EIF4E3: variants seen among roughly 807,000 people sequenced by gnomAD.
EIF4E3 encodes the protein eukaryotic translation initiation factor 4E type 3.
EIF4E3 carries 26 observed loss-of-function variants against 31.7 expected under a neutral mutation model. The observed-to-expected ratio is 0.82, with a 90% CI of 0.60 to 1.14. The LOEUF (loss-of-function observed/expected upper bound fraction) is 1.14. EIF4E3 is among the 50% of genes most tolerant of loss of function. The pLI is 0.00. For missense variants in EIF4E3, 304 were observed against 270.9 expected, an observed-to-expected ratio of 1.12 and a Z score of -0.86; for synonymous variants, 128 against 107.7, an observed-to-expected ratio of 1.19 and a Z score of -1.17.
At chr3:71,705,888 G>T (rs1055013232) in intron 2 of EIF4E3, among the ~76,000 whole-genome samples, 2 of 152,096 alleles carry the variant, frequency 1.3e-5, no homozygotes, top group African/African-American at 2.4e-5. Flanking sequence ...TCAGCTTCCT[G>T]AGTAGCTGAG....
At position 71,677,493 on chromosome 3, in the gene EIF4E3, G is replaced by A. The variant is rs550190349; in HGVS notation, c.*7189C>T. On this transcript the variant is annotated 3_prime_UTR_variant, in exon 7 of 7. Transcript: ENST00000425534. Reference sequence around the variant, plus strand: ...GAACCTATGCTAATAGAACAACCGAGAACACATTCCAAAAAGTGCATCAAT... The same window carrying A: ...GAACCTATGCTAATAGAACAACCGAAAACACATTCCAAAAAGTGCATCAAT... 5.3e-5 allele frequency: 8 copies of A among 152,170 alleles called. No individual in the cohort carries two copies. Among genetic ancestry groups the A allele is most frequent in the African/African-American group, 1.9e-4 (8 of 41,500 alleles). 9.4% of individuals were successfully genotyped at this position (152,170 alleles called of 1,614,324 possible). A position where few individuals can be genotyped will look rare whatever the true frequency, so the allele number is the denominator to read the frequency against.
At chr3:71,696,617 G>A in intron 3 of EIF4E3, 97 bp from the exon 4 acceptor site, 3 of 1,416,552 alleles carry the variant, frequency 2.1e-6, no homozygotes, top group Non-Finnish European at 2.9e-6. Flanking sequence ...TTTAACAACA[G>A]ATGACCTTAA....
chr3:71,748,801 G>T (rs1307582029), intron 1 of EIF4E3, among the ~76,000 whole-genome samples: 1 of 152,148 alleles, frequency 6.6e-6, no homozygotes, highest in African/African-American at 2.4e-5. Context: ...AAGGACCCAT[G>T]ATGAAACCCA....
chr3:71,748,295 A>G (rs2049893605), intron 1 of EIF4E3, among the ~76,000 whole-genome samples: 1 of 152,182 alleles, frequency 6.6e-6, no homozygotes, highest in African/African-American at 2.4e-5. Context: ...TCTCATATAT[A>G]TGGGTTCTGC....
Position 71,701,943 on chromosome 3 carries a change from C to T in EIF4E3, c.250-2235G>A, listed in dbSNP as rs891537960. Among the ~76,000 whole-genome samples the T allele has an allele frequency of 1.1e-4, 16 of 152,144 alleles. No homozygotes were observed. The South Asian group carries it at 1.9e-3, about 18-fold the overall frequency. The stretch of plus-strand genomic sequence containing the variant: ...CATCTGCCTCTATGGAGGTACCTAT[C>T]CTGTAAATGCTTTGCTATTTGTACA... On this transcript the variant is annotated intron_variant, in intron 2 of 6. Coordinates refer to ENST00000425534, the MANE Select transcript of EIF4E3 (RefSeq NM_001134651.2).
intron 2 of EIF4E3, among the ~76,000 whole-genome samples, chr3:71,704,223 T>C (rs2049258806): frequency 6.6e-6 from 1 of 152,092 alleles, no homozygotes; most frequent in Non-Finnish European, 1.5e-5. Context: ...CATAGAAAGT[T>C]AGTAAAAACC....
At chr3:71,705,505 G>C (rs2049279740) in intron 2 of EIF4E3, among the ~76,000 whole-genome samples, 1 of 152,158 alleles carries the variant, frequency 6.6e-6, no homozygotes, top group Non-Finnish European at 1.5e-5. Context: ...AGGAAATATG[G>C]TTTCTGTTTT....
chr3:71,661,515 G>A, the EIF4E3 span, among the ~76,000 whole-genome samples: 8,723 of 152,144 alleles, frequency 0.057, 666 homozygotes, highest in African/African-American at 0.18. Context: ...TTTCCCATGC[G>A]TCAAATAAAG....
chr3:71,677,144 G>A lies in EIF4E3; in HGVS notation c.*7538C>T, dbSNP rs907473021. 3 of 152,160 alleles carry A rather than the reference G, an allele frequency of 2.0e-5. No individual in the cohort carries two copies. Among genetic ancestry groups the A allele is most frequent in the Non-Finnish European group, 4.4e-5 (3 of 68,036 alleles). The allele number at this position is 152,160 out of a possible 1,614,324, so 9.4% of individuals were successfully genotyped here. A position where few individuals can be genotyped will look rare whatever the true frequency, so the allele number is the denominator to read the frequency against. On this transcript the variant is annotated 3_prime_UTR_variant, in exon 7 of 7. Transcript: ENST00000425534. ...TGATTTATGCTTGCTAGTTAAATATGCTTATGATTTAAACTTATTTTCTCT... is the reference window on the plus strand; with the variant it reads ...TGATTTATGCTTGCTAGTTAAATATACTTATGATTTAAACTTATTTTCTCT...
intron 1 of EIF4E3, among the ~76,000 whole-genome samples, chr3:71,749,755 GAAT>G (rs1392843712): frequency 6.6e-6 from 1 of 152,160 alleles, no homozygotes; most frequent in Non-Finnish European, 1.5e-5. Flanking sequence ...GATTATACAA[GAAT>G]AATGGAAATT....
At chr3:71,748,797 C>T (rs2049898461) in intron 1 of EIF4E3, among the ~76,000 whole-genome samples, 1 of 152,106 alleles carries the variant, frequency 6.6e-6, no homozygotes, top group South Asian at 2.1e-4. Context: ...AAGCAAGGAC[C>T]CATGATGAAA....
rs2048916752 is a variant in EIF4E3 at position 71,681,086 on chromosome 3, G to T, written c.*3596C>A. 6.6e-6 allele frequency: 1 copy of T among 152,046 alleles called. No individual in the cohort carries two copies. Among genetic ancestry groups the T allele is most frequent in the African/African-American group, 2.4e-5 (1 of 41,386 alleles). The allele number at this position is 152,046 out of a possible 1,614,324, so 9.4% of individuals were successfully genotyped here. A position where few individuals can be genotyped will look rare whatever the true frequency, so the allele number is the denominator to read the frequency against. On this transcript the variant is annotated 3_prime_UTR_variant, in exon 7 of 7. Transcript: ENST00000425534. ...TCTTTTTCTTCCCAATCACTTATAAGGCCAATGAGAGCCTAGGATTTGAGA... is the reference window on the plus strand; with the variant it reads ...TCTTTTTCTTCCCAATCACTTATAATGCCAATGAGAGCCTAGGATTTGAGA...
the EIF4E3 span, among the ~76,000 whole-genome samples, chr3:71,663,957 G>A: frequency 6.6e-6 from 1 of 152,172 alleles, no homozygotes; most frequent in Non-Finnish European, 1.5e-5. Context: ...AGATCAGGCA[G>A]GTAAGTGGGC....
chr3:71,712,391 G>A (rs1403617961), intron 1 of EIF4E3, among the ~76,000 whole-genome samples: 1 of 152,072 alleles, frequency 6.6e-6, no homozygotes, highest in African/African-American at 2.4e-5. Context: ...TTTAATGTAG[G>A]TTTTATATCT....
At chr3:71,748,309 G>T (rs1344883965) in intron 1 of EIF4E3, among the ~76,000 whole-genome samples, 2 of 152,296 alleles carry the variant, frequency 1.3e-5, no homozygotes, top group Non-Finnish European at 1.5e-5. Flanking sequence ...GTTCTGCAGG[G>T]CTGGCTATGG....
At chr3:71,748,729 G>A (rs565013566) in intron 1 of EIF4E3, among the ~76,000 whole-genome samples, 1 of 151,982 alleles carries the variant, frequency 6.6e-6, no homozygotes, top group Non-Finnish European at 1.5e-5. Flanking sequence ...GCACTATCCT[G>A]AATGACCATA....
intron 1 of EIF4E3, among the ~76,000 whole-genome samples, chr3:71,713,098 G>A (rs969181382): frequency 8.5e-5 from 13 of 152,278 alleles, no homozygotes; most frequent in Middle Eastern, 6.8e-3. Flanking sequence ...ACCAGTGTCA[G>A]TGACTAACAT....
intron 1 of EIF4E3, among the ~76,000 whole-genome samples, chr3:71,722,039 G>T (rs1490521321): frequency 1.3e-5 from 2 of 148,314 alleles, no homozygotes; most frequent in African/African-American, 2.5e-5. Context: ...GTCCTGGGTG[G>T]GGCAGGAAGA....
chr3:71,733,100 T>G (rs1049055484), intron 1 of EIF4E3, among the ~76,000 whole-genome samples: 10 of 152,200 alleles, frequency 6.6e-5, no homozygotes, highest in Non-Finnish European at 1.5e-4. Flanking sequence ...TAGAGACAGG[T>G]GGAGTGAACA....
Sources: gnomAD v4.1 joint callset for allele counts (sites outside exome capture counted in the v4.1 genomes callset) on GRCh38, gnomAD v4.1.1 for gene constraint, MANE v1.5 for transcripts, NCBI Gene and HGNC (gene_info 2026-07-23, HGNC 2026-07-21) for gene names.